AFF1: variants seen among roughly 807,000 people sequenced by gnomAD.
AFF1 encodes ALF transcription elongation factor 1.
Under a neutral mutation model 121.7 loss-of-function variants are expected in AFF1, and 48 were observed. The ratio of observed to expected loss-of-function variants is 0.39; its 90% CI spans 0.31 to 0.50. The LOEUF (loss-of-function observed/expected upper bound fraction) is 0.50. Among genes scored for constraint, AFF1 ranks in the 20% least tolerant of loss-of-function variants. AFF1 has a pLI of 0.76. For missense variants in AFF1, 1,523 were observed against 1,511.7 expected, an observed-to-expected ratio of 1.01 and a Z score of -0.12; for synonymous variants, 613 against 563.0, an observed-to-expected ratio of 1.09 and a Z score of -1.26.
At chr4:86,997,071 C>T (rs1187993081) in intron 2 of AFF1, among the ~76,000 whole-genome samples, 1 of 152,184 alleles carries the variant, frequency 6.6e-6, no homozygotes. Flanking sequence ...ACCACCATGT[C>T]TGGCTAATTT....
chr4:87,037,361 G>A (rs1410118619), intron 2 of AFF1, among the ~76,000 whole-genome samples: 1 of 152,128 alleles, frequency 6.6e-6, no homozygotes, highest in East Asian at 1.9e-4. Flanking sequence ...ACCCAGGCTG[G>A]AGTGCAGTGG....
At chr4:87,111,612 C>A (rs1726541422) in intron 11 of AFF1, among the ~76,000 whole-genome samples, 1 of 152,184 alleles carries the variant, frequency 6.6e-6, no homozygotes, top group African/African-American at 2.4e-5. Context: ...CCTCGGCCTC[C>A]CAAAGTGCTG....
Position 87,108,287 on chromosome 4 carries a change from A to G in AFF1, c.1505A>G (p.Asn502Ser). 1.2e-6 allele frequency: 2 copies of G among 1,613,852 alleles called. No individual in the cohort carries two copies. The highest frequency in any genetic ancestry group is 2.2e-5 in the South Asian group (2 of 91,062). ...AGCAGTTCAAGTGACAGCGAAGAAA[A>G]TGAGCCCCTAGAAACCCCAGCTCCG... Reference protein sequence around the residue: ...SESSSSDSEENEPLETPAPEP... With the variant: ...SESSSSDSEESEPLETPAPEP... The change falls in exon 11 of 21, where the codon AAT (asparagine) becomes AGT (serine). Residue 502 changes from asparagine (N) to serine (S), a missense_variant. Asn to Ser is a conservative substitution (Grantham distance 46). Around this residue, in one of 5 missense-constraint regions of AFF1, gnomAD observed 905 missense variants for 842.5 expected, o/e 1.07. Transcript: ENST00000395146.
At position 86,951,875 on chromosome 4, in the gene AFF1, A is replaced by C. The variant is rs1033602856; in HGVS notation, c.38+3304A>C. On this transcript the variant is annotated intron_variant, in intron 2 of 20. Coordinates refer to ENST00000395146, the MANE Select transcript of AFF1 (RefSeq NM_001166693.3). ...ATGATCTGCCCGCCTTGGCCTCCCA[A>C]AGTGCTGGGATTACAGGCGTGGGCC... Among the ~76,000 whole-genome samples the C allele has an allele frequency of 1.1e-4, 17 of 151,168 alleles. 1 individual carries two copies. The highest frequency in any genetic ancestry group is 1.1e-3 in the Admixed American group (17 of 15,202).
At chr4:87,065,590 A>G (rs1224463829) in intron 4 of AFF1, among the ~76,000 whole-genome samples, 1 of 152,210 alleles carries the variant, frequency 6.6e-6, no homozygotes, top group East Asian at 1.9e-4. Flanking sequence ...GCCGCTATCA[A>G]AGTAGTATAG....
chr4:86,988,062 G>A (rs1578906690), intron 2 of AFF1, among the ~76,000 whole-genome samples: 1 of 112,454 alleles, frequency 8.9e-6, no homozygotes, highest in South Asian at 3.1e-4. Context: ...TATAATAATT[G>A]TACATACTTA....
chr4:86,991,275 T>C (rs1274535042), intron 2 of AFF1, among the ~76,000 whole-genome samples: 1 of 151,746 alleles, frequency 6.6e-6, no homozygotes, highest in Admixed American at 6.6e-5. Flanking sequence ...AAACCCTGTC[T>C]CTACTAAAAA....
chr4:87,026,277 A>G (rs1017614854), intron 2 of AFF1, among the ~76,000 whole-genome samples: 2 of 152,166 alleles, frequency 1.3e-5, no homozygotes, highest in Admixed American at 1.3e-4. Context: ...TTGTACTTTT[A>G]GTAGAGATGG....
chr4:87,014,910 C>T (rs369750165), intron 2 of AFF1, among the ~76,000 whole-genome samples: 1 of 152,150 alleles, frequency 6.6e-6, no homozygotes, highest in South Asian at 2.1e-4. Context: ...CCTGTTTCCT[C>T]CCTAGCTTTG....
In AFF1 at chr4:87,090,023, CA is replaced by C; in HGVS notation, c.1145del (p.His382LeufsTer24). 6.2e-7 allele frequency: 1 copy of C among 1,614,034 alleles called. No individual in the cohort carries two copies. Among genetic ancestry groups the C allele is most frequent in the Non-Finnish European group, 8.5e-7 (1 of 1,179,976 alleles). On this transcript the variant is annotated frameshift_variant, in exon 6 of 21. Coordinates refer to ENST00000395146, the MANE Select transcript of AFF1 (RefSeq NM_001166693.3). LOFTEE classifies it high-confidence loss of function. The stretch of plus-strand genomic sequence containing the variant: ...ATGGCCGCCTCCTTTGACAGCAATA[CA>C]TACGCCTAGTACAGCTGAGCCATCC... ...HSWPPPLTAI[H>X]TPSTAEPSKF...
chr4:87,095,102 A>G (rs1299352677), intron 8 of AFF1, 133 bp downstream of exon 8: 30 of 858,908 alleles, frequency 3.5e-5, no homozygotes, highest in Non-Finnish European at 3.6e-5. Context: ...AAGGGAAGAA[A>G]GGGCCCACAT....
chr4:87,018,748 T>G (rs1251026318), intron 2 of AFF1, among the ~76,000 whole-genome samples: 5 of 152,226 alleles, frequency 3.3e-5, no homozygotes, highest in Non-Finnish European at 7.3e-5. Flanking sequence ...AAAGGCAAAG[T>G]GAGTACCATA....
chr4:87,135,172 A>G (rs1270509711), intron 20 of AFF1, among the ~76,000 whole-genome samples: 6 of 152,240 alleles, frequency 3.9e-5, no homozygotes, highest in Admixed American at 6.5e-5. Context: ...TGTTTGGGGA[A>G]GAAGACCCTT....
chr4:86,983,604 A>C (rs1024065865), intron 2 of AFF1, among the ~76,000 whole-genome samples: 1 of 152,076 alleles, frequency 6.6e-6, no homozygotes, highest in African/African-American at 2.4e-5. Context: ...GCACGTCTTT[A>C]ATCTCAGCTA....
rs1409001817 is a variant in AFF1, at chr4:87,047,060, GT to G, written c.527del (p.Phe176SerfsTer21). ...LTQDRLGQEG[F>X]GSSHHKKGDR... ...CCCAGGATCGCCTTGGTCAGGAGGG[GT>G]TCGGCTCTAGTCATCACAAGAAAGG... On this transcript the variant is annotated frameshift_variant, in exon 4 of 21. Transcript: ENST00000395146. LOFTEE classifies it high-confidence loss of function. The G allele has an allele frequency of 6.2e-7, 1 of 1,614,042 alleles. No individual in the cohort carries two copies. Among genetic ancestry groups the G allele is most frequent in the Non-Finnish European group, 8.5e-7 (1 of 1,180,034 alleles).
intron 2 of AFF1, among the ~76,000 whole-genome samples, chr4:87,008,620 GTTTTTT>G (rs11355941): frequency 6.9e-6 from 1 of 145,012 alleles, no homozygotes; most frequent in South Asian, 2.2e-4. Flanking sequence ...GAAATTTAGT[GTTTTTT>G]TTTTTTTTAA....
At chr4:86,987,061 T>C (rs1271094731) in intron 2 of AFF1, among the ~76,000 whole-genome samples, 1 of 152,082 alleles carries the variant, frequency 6.6e-6, no homozygotes, top group East Asian at 1.9e-4. Context: ...CCCAGGCTGG[T>C]CTCAAACTGC....
At chr4:87,133,426 C>A (rs145898979) in intron 19 of AFF1, among the ~76,000 whole-genome samples, 2 of 152,110 alleles carry the variant, frequency 1.3e-5, no homozygotes, top group African/African-American at 4.8e-5. Context: ...GAAGAGACTC[C>A]CATATGGCCT....
At chr4:87,007,221 C>A in intron 2 of AFF1, 4 of 1,451,066 alleles carry the variant, frequency 2.8e-6, no homozygotes, top group Non-Finnish European at 3.6e-6. Context: ...CGAGCCAATA[C>A]GGGCCGAGCC....
Sources: allele counts gnomAD v4.1 joint callset (sites outside exome capture counted in the v4.1 genomes callset), GRCh38; gene constraint gnomAD v4.1.1; regional missense constraint gnomAD v4.1.1; transcripts MANE v1.5; gene names NCBI Gene and HGNC (gene_info 2026-07-23, HGNC 2026-07-21).